The following LRCH1 variants were observed in gnomAD, a reference collection of about 807,000 sequenced individuals.
The protein encoded by LRCH1 is leucine-rich repeat and calponin homology domain-containing protein 1.
LRCH1 carries 23 observed loss-of-function variants against 94.9 expected under a neutral mutation model. The observed-to-expected ratio is 0.24, with a 90% CI of 0.17 to 0.34. The LOEUF is 0.34. Ranked by LOEUF, LRCH1 falls within the 10% of genes least tolerant of loss-of-function variation. The pLI is 1.00. For missense variants in LRCH1, 790 were observed against 945.9 expected, an observed-to-expected ratio of 0.84 and a Z score of 2.16; for synonymous variants, 364 against 354.9, an observed-to-expected ratio of 1.03 and a Z score of -0.29.
intron 3 of LRCH1, among the ~76,000 whole-genome samples, chr13:46,674,417 A>G (rs540119098): frequency 3.0e-4 from 45 of 152,340 alleles, no homozygotes; most frequent in African/African-American, 1.0e-3. Flanking sequence ...TTGACTCAAC[A>G]AGAGCAGCCA....
intron 1 of LRCH1, among the ~76,000 whole-genome samples, chr13:46,635,595 C>G (rs542067586): frequency 6.6e-6 from 1 of 151,900 alleles, no homozygotes; most frequent in East Asian, 1.9e-4. Flanking sequence ...CTCAGCCTCC[C>G]GAGTAGCTGG....
chr13:46,577,939 A>T (rs2050321926), intron 1 of LRCH1, among the ~76,000 whole-genome samples: 1 of 152,194 alleles, frequency 6.6e-6, no homozygotes, highest in Non-Finnish European at 1.5e-5. Flanking sequence ...GCCATGGGGG[A>T]TGCAGAAGGG....
chr13:46,721,006 T>C (rs767951907), intron 16 of LRCH1, among the ~76,000 whole-genome samples: 8 of 152,362 alleles, frequency 5.3e-5, no homozygotes, highest in Non-Finnish European at 8.8e-5. Context: ...CACTTTTGGT[T>C]GCCTAACATT....
chr13:46,684,089 T>C (rs1463198506), intron 4 of LRCH1, among the ~76,000 whole-genome samples: 1 of 152,206 alleles, frequency 6.6e-6, no homozygotes, highest in African/African-American at 2.4e-5. Context: ...GTGGTTTTAC[T>C]ACAACAACTG....
intron 1 of LRCH1, among the ~76,000 whole-genome samples, chr13:46,603,932 T>C (rs1011059488): frequency 2.0e-5 from 3 of 152,242 alleles, no homozygotes; most frequent in Non-Finnish European, 2.9e-5. Context: ...GTTGGCATTA[T>C]AGGCGTGAGC....
In LRCH1 at chr13:46,689,210, T is replaced by C. The variant is rs1228585032; in HGVS notation, c.1014+14T>C. 1 of 1,606,280 alleles carries C rather than the reference T, an allele frequency of 6.2e-7. No homozygotes were observed. The highest frequency in any genetic ancestry group is 8.5e-7 in the Non-Finnish European group (1 of 1,174,324). ...TCTGCCACCGAGGTAAAGTTAGTGATCAGATTCTTTTCCTTCTGTACTTCT... is the reference window on the plus strand; with the variant it reads ...TCTGCCACCGAGGTAAAGTTAGTGACCAGATTCTTTTCCTTCTGTACTTCT... On this transcript the variant is annotated intron_variant, in intron 7 of 19. Coordinates refer to ENST00000389797, the MANE Select transcript of LRCH1 (RefSeq NM_001164211.2).
chr13:46,681,271 A>G (rs2051746513), intron 3 of LRCH1, among the ~76,000 whole-genome samples: 1 of 152,228 alleles, frequency 6.6e-6, no homozygotes, highest in Admixed American at 6.5e-5. Context: ...GTAAAATAAG[A>G]TGCATTGTAG....
chr13:46,744,933 G>C (rs963026575), downstream of LRCH1: 2 of 980,602 alleles, frequency 2.0e-6, no homozygotes, highest in Non-Finnish European at 2.4e-6. Flanking sequence ...AAGATGGTCA[G>C]AGTCTAGTTG....
chr13:46,601,944 A>G lies in LRCH1; in HGVS notation c.307+48241A>G, dbSNP rs538659654. Among the ~76,000 whole-genome samples the G allele has an allele frequency of 6.6e-5, 10 of 152,300 alleles. No individual in the cohort carries two copies. In the South Asian group the frequency reaches 2.1e-3, roughly 32 times the overall value. On this transcript the variant is annotated intron_variant, in intron 1 of 19. Coordinates refer to ENST00000389797, the MANE Select transcript of LRCH1 (RefSeq NM_001164211.2). ...AGCTTGTTTAATAAACCTAAGAATTAATAGCCTGTGTTCAGTAGTTGGATT... is the reference window on the plus strand; with the variant it reads ...AGCTTGTTTAATAAACCTAAGAATTGATAGCCTGTGTTCAGTAGTTGGATT...
At chr13:46,577,203 C>T (rs989868034) in intron 1 of LRCH1, among the ~76,000 whole-genome samples, 3 of 152,110 alleles carry the variant, frequency 2.0e-5, no homozygotes, top group Admixed American at 2.0e-4. Flanking sequence ...TTCAAATGAT[C>T]CTCCCACCTC....
At chr13:46,585,450 G>A (rs1484317633) in intron 1 of LRCH1, among the ~76,000 whole-genome samples, 1 of 150,870 alleles carries the variant, frequency 6.6e-6, no homozygotes, top group Admixed American at 6.6e-5. Flanking sequence ...AGTGGTGGGC[G>A]CCTGTAGTCC....
intron 1 of LRCH1, among the ~76,000 whole-genome samples, chr13:46,615,642 T>G (rs1387486896): frequency 6.6e-6 from 1 of 152,192 alleles, no homozygotes; most frequent in Non-Finnish European, 1.5e-5. Context: ...GGATCTGCAT[T>G]GGGACCTGCT....
In LRCH1 at chr13:46,741,674, G is replaced by A; in HGVS notation, c.2118G>A (p.Gln706=). 6.2e-7 allele frequency: 1 copy of A among 1,614,182 alleles called. No individual in the cohort carries two copies. The highest frequency in any genetic ancestry group is 8.5e-7 in the Non-Finnish European group (1 of 1,180,024). Residue 706 remains glutamine (Q), a synonymous_variant, in exon 20 of 20, where the codon CAG becomes CAA. Transcript: ENST00000389797. The part of the protein sequence containing the change: ...ADLCSPCDIL[Q]LDFRHIRKTV... ...TCTGCTCTCCGTGTGACATCCTGCA[G>A]TTGGATTTTCGTCACATTCGAAAGA...
intron 1 of LRCH1, among the ~76,000 whole-genome samples, chr13:46,568,630 A>C (rs535021092): frequency 6.6e-6 from 1 of 152,340 alleles, no homozygotes; most frequent in East Asian, 1.9e-4. Context: ...AAAATATTGC[A>C]TACATAGGAA....
At chr13:46,745,161 T>G (rs1335813061), downstream of LRCH1, among the ~76,000 whole-genome samples, 2 of 152,176 alleles carry the variant, frequency 1.3e-5, no homozygotes, top group Admixed American at 1.3e-4. Context: ...GCAGATTCTG[T>G]TGGGATTACC....
At chr13:46,673,449 A>G (rs2051627955) in intron 3 of LRCH1, among the ~76,000 whole-genome samples, 1 of 152,228 alleles carries the variant, frequency 6.6e-6, no homozygotes, top group Non-Finnish European at 1.5e-5. Context: ...CTTTTTGCTT[A>G]AAATAGTAGT....
At chr13:46,607,367 C>T (rs1370044727) in intron 1 of LRCH1, among the ~76,000 whole-genome samples, 9 of 152,282 alleles carry the variant, frequency 5.9e-5, no homozygotes, top group African/African-American at 2.2e-4. Context: ...TCAAAGAGAG[C>T]TATCTAGAAG....
chr13:46,627,899 GTC>G (rs978466254), intron 1 of LRCH1, among the ~76,000 whole-genome samples: 1 of 152,018 alleles, frequency 6.6e-6, no homozygotes, highest in African/African-American at 2.4e-5. Context: ...CATTACAGGT[GTC>G]TCTGCTATAA....
chr13:46,573,938 C>T (rs2050273045), intron 1 of LRCH1, among the ~76,000 whole-genome samples: 1 of 145,372 alleles, frequency 6.9e-6, no homozygotes, highest in Non-Finnish European at 1.5e-5. Context: ...TCTCAGCTCA[C>T]TGCAACCTCC....
Sources: gnomAD v4.1 joint callset for allele counts (sites outside exome capture counted in the v4.1 genomes callset) on GRCh38, gnomAD v4.1.1 for gene constraint, MANE v1.5 for transcripts, NCBI Gene and HGNC (gene_info 2026-07-23, HGNC 2026-07-21) for gene names.